Variants in LRWD1 observed in about 807,000 individuals in gnomAD.
LRWD1 encodes the protein leucine-rich repeat and WD repeat-containing protein 1.
LRWD1 carries 76 observed loss-of-function variants against 75.6 expected under a neutral mutation model. That is an observed-to-expected ratio of 1.01 (90% CI 0.84 to 1.22). The LOEUF is 1.22. Among genes scored for constraint, LRWD1 ranks in the 50% most tolerant of loss-of-function variants. The probability of loss-of-function intolerance (pLI) is 0.00; values close to 1 mark genes in which losing one functional copy is unlikely to be tolerated. For missense variants in LRWD1, 917 were observed against 862.0 expected (o/e 1.06, Z -0.80); for synonymous variants, 487 against 377.0 (o/e 1.29, Z -3.38).
chr7:102,470,222 G>C (rs181048703), intron 11 of LRWD1: 291 of 245,634 alleles, frequency 1.2e-3, no homozygotes, highest in African/African-American at 5.7e-3. Flanking sequence ...CATCTGTAAA[G>C]AGGGGCCGAT....
Position 102,472,966 on chromosome 7 carries a change from AAC to A in LRWD1, c.1865_1866del (p.Thr622SerfsTer?), listed in dbSNP as rs1482129600. On this transcript the variant is annotated frameshift_variant, in exon 15 of 15. Transcript: ENST00000292616. LOFTEE classifies it high-confidence loss of function. The part of the protein sequence containing the change: ...LGQVVTKTMV[N>X]TVVANASFTY... Reference sequence around the variant, plus strand: ...CCAGGTGGTGACCAAGACCATGGTGAACACAGTGGTGGCCAATGCCTCCTTCA... The same window carrying A: ...CCAGGTGGTGACCAAGACCATGGTGAACAGTGGTGGCCAATGCCTCCTTCA... The A allele has an allele frequency of 1.9e-6, 3 of 1,613,884 alleles. No homozygotes were observed. Among genetic ancestry groups the A allele is most frequent in the Non-Finnish European group, 2.5e-6 (3 of 1,179,986 alleles).
rs200628597 is a variant in LRWD1, at chr7:102,466,274, A to T, written c.432+4A>T. 2.0e-4 allele frequency: 322 copies of T among 1,605,264 alleles called. No individual in the cohort carries two copies. Among genetic ancestry groups the T allele is most frequent in the Non-Finnish European group, 2.5e-4 (298 of 1,172,288 alleles). Reference sequence around the variant, plus strand: ...GAATCGGGAGCTGACCAGCAGGGTAAGGGGATGAGAGGATTATTGTGTGCT... The same window carrying T: ...GAATCGGGAGCTGACCAGCAGGGTATGGGGATGAGAGGATTATTGTGTGCT... On this transcript the variant is annotated splice_donor_region_variant and intron_variant, in intron 3 of 14. Coordinates refer to ENST00000292616, the MANE Select transcript of LRWD1 (RefSeq NM_152892.3).
Position 102,466,066 on chromosome 7 carries a change from C to T in LRWD1, c.315+15C>T. ...CCTTCCTGACGGTAAGTGGGAGCCT[C>T]CCACCAGCTTCATACCTGGGGCCAG... On this transcript the variant is annotated intron_variant, in intron 2 of 14. Coordinates refer to ENST00000292616, the MANE Select transcript of LRWD1 (RefSeq NM_152892.3). The T allele has an allele frequency of 2.5e-6, 4 of 1,613,864 alleles. No individual in the cohort carries two copies. Among genetic ancestry groups the T allele is most frequent in the Non-Finnish European group, 3.4e-6 (4 of 1,179,786 alleles).
intron 3 of LRWD1, 99 bp from the exon 4 acceptor site, chr7:102,467,240 G>C: frequency 2.5e-6 from 3 of 1,201,590 alleles, no homozygotes; most frequent in Non-Finnish European, 1.2e-6. Context: ...ATTCCAGGAG[G>C]CTTCCAGCAG....
chr7:102,468,778 T>C, intron 8 of LRWD1, 77 bp from the exon 9 acceptor site: 1 of 1,546,444 alleles, frequency 6.5e-7, no homozygotes, highest in Non-Finnish European at 8.8e-7. Flanking sequence ...TGGGGCTCCC[T>C]CCCCCAGGCC....
At chr7:102,465,185 C>T (rs1287111506) in intron 1 of LRWD1, 25 bp downstream of exon 1, 1 of 1,459,198 alleles carries the variant, frequency 6.9e-7, no homozygotes, top group South Asian at 1.4e-5. Context: ...GCGGGTGAGG[C>T]TGTGTCCTCG....
intron 3 of LRWD1, 69 bp downstream of exon 3, chr7:102,466,339 C>A: frequency 7.7e-7 from 1 of 1,305,288 alleles, no homozygotes; most frequent in Non-Finnish European, 1.1e-6. Flanking sequence ...TAGAATTGGA[C>A]ATCAGGAGGA....
At chr7:102,465,226 C>T in intron 1 of LRWD1, 66 bp downstream of exon 1, 2 of 1,326,512 alleles carry the variant, frequency 1.5e-6, no homozygotes, top group East Asian at 3.1e-5. Flanking sequence ...AGAGCGGGGA[C>T]CCTCCCCAAC....
intron 3 of LRWD1, 39 bp downstream of exon 3, chr7:102,466,309 T>G (rs771957229): frequency 1.3e-6 from 2 of 1,495,492 alleles, no homozygotes. Context: ...TTAGGAGCTG[T>G]GGGGGCATTG....
Position 102,472,771 on chromosome 7 carries a change from C to G in LRWD1, c.1770C>G (p.Pro590=). 6.2e-7 allele frequency: 1 copy of G among 1,613,444 alleles called. No homozygotes were observed. Among genetic ancestry groups the G allele is most frequent in the Non-Finnish European group, 8.5e-7 (1 of 1,179,934 alleles). ...YDVSNILKQP[P]LLPAALQAPT... ...TCAGCAACATCCTGAAGCAGCCACC[C>G]CTGCTGCCGGCAGCCCTGCAGGCCC... Residue 590 remains proline (P), a synonymous_variant, in exon 14 of 15, where the codon CCC becomes CCG. Coordinates refer to ENST00000292616, the MANE Select transcript of LRWD1 (RefSeq NM_152892.3).
rs1798245093 is a variant in LRWD1 at position 102,472,705 on chromosome 7, GCT to G, written c.1707_1708del (p.Cys570TrpfsTer3). ...LSACPDKGIV[L>X]CGDEEGNVWL... The stretch of plus-strand genomic sequence containing the variant: ...CTGTCCCGGCAGATAAGGGGATTGT[GCT>G]CTGTGGGGATGAGGAGGGCAACGTG... On this transcript the variant is annotated frameshift_variant, in exon 14 of 15. Coordinates refer to ENST00000292616, the MANE Select transcript of LRWD1 (RefSeq NM_152892.3). LOFTEE classifies it high-confidence loss of function. The G allele has an allele frequency of 1.2e-6, 2 of 1,613,544 alleles. No individual in the cohort carries two copies. Among genetic ancestry groups the G allele is most frequent in the East Asian group, 4.5e-5 (2 of 44,880 alleles).
At position 102,468,571 on chromosome 7, in the gene LRWD1, G is replaced by C. The variant is rs1226641572; in HGVS notation, c.937G>C (p.Val313Leu). The C allele has an allele frequency of 6.3e-7, 1 of 1,574,802 alleles. No homozygotes were observed. Reference protein sequence around the residue: ...AWEEGATSQTVATCGGEAVCV... With the variant: ...AWEEGATSQTLATCGGEAVCV... ...GCACTCAGGGGCCACATCCCAGACC[G>C]TGGCCACGTGCGGCGGGGAGGCTGT... Residue 313 changes from valine (V) to leucine (L), a missense_variant, in exon 8 of 15, where the codon GTG becomes CTG. Physicochemically the swap from Val to Leu is conservative, Grantham distance 32. Coordinates refer to ENST00000292616, the MANE Select transcript of LRWD1 (RefSeq NM_152892.3).
In LRWD1 at chr7:102,473,112, G is replaced by T; in HGVS notation, c.*63G>T. On this transcript the variant is annotated 3_prime_UTR_variant, in exon 15 of 15. Coordinates refer to ENST00000292616, the MANE Select transcript of LRWD1 (RefSeq NM_152892.3). The stretch of plus-strand genomic sequence containing the variant: ...TAACTTATTCAGCTTTGGGCCGATG[G>T]GGGTGGGGGGGGGTCTTTCAGTGAA... 6 of 1,407,570 alleles carry T rather than the reference G, an allele frequency of 4.3e-6. No homozygotes were observed. The highest frequency in any genetic ancestry group is 3.8e-6 in the Non-Finnish European group (4 of 1,047,536). 87.2% of individuals were successfully genotyped at this position (1,407,570 alleles called of 1,614,324 possible). A position where few individuals can be genotyped will look rare whatever the true frequency, so the allele number is the denominator to read the frequency against.
intron 11 of LRWD1, chr7:102,472,004 G>A (rs1423507794): frequency 3.1e-5 from 17 of 554,190 alleles, no homozygotes; most frequent in Non-Finnish European, 2.6e-5. Context: ...GTGCCTCTGG[G>A]TCACTACTGT....
chr7:102,466,723 C>G (rs1225082064), intron 3 of LRWD1, among the ~76,000 whole-genome samples: 3 of 138,026 alleles, frequency 2.2e-5, no homozygotes, highest in Non-Finnish European at 3.1e-5. Context: ...CGGCCTGACT[C>G]TTCTAAGTAG....
At position 102,467,171 on chromosome 7, in the gene LRWD1, G is replaced by GGGGTGT. The variant is rs1245223810; in HGVS notation, c.433-167_433-166insGGTGTG. Among the ~76,000 whole-genome samples, 17 of 99,148 alleles carry GGGGTGT rather than the reference G, an allele frequency of 1.7e-4. 1 individual carries two copies. The highest frequency in any genetic ancestry group is 5.3e-4 in the African/African-American group (12 of 22,812). The allele number at this position is 99,148 out of a possible 152,430, so 65.0% of individuals were successfully genotyped here. ...TGGGTTGTTGCTGGGGTGTGTGTGG[G>GGGGTGT]GTGTGTGTGTGTGTGTGTGTGTGTG... On this transcript the variant is annotated intron_variant, in intron 3 of 14. Coordinates refer to ENST00000292616, the MANE Select transcript of LRWD1 (RefSeq NM_152892.3).
At chr7:102,467,108 T>TG (rs1563653968) in intron 3 of LRWD1, among the ~76,000 whole-genome samples, 28 of 106,264 alleles carry the variant, frequency 2.6e-4, no homozygotes, top group African/African-American at 8.2e-4. Context: ...GGCACCTGGG[T>TG]TGTTGCTGGG....
Position 102,469,971 on chromosome 7 carries a change from C to T in LRWD1, c.1442+89C>T, listed in dbSNP as rs1394709943. ...TGGGCTCACAGCAGCCTGGGCACAC[C>T]CGGGTAACCATAAGGGTTGTTTTTA... is the stretch of plus-strand genomic sequence containing the variant. On this transcript the variant is annotated intron_variant, in intron 11 of 14. Transcript: ENST00000292616. The T allele has an allele frequency of 4.3e-6, 6 of 1,404,836 alleles. No individual in the cohort carries two copies. The East Asian group carries it at 1.0e-4, about 24-fold the overall frequency. The allele number at this position is 1,404,836 out of a possible 1,614,324, so 87.0% of individuals were successfully genotyped here.
At chr7:102,467,683 C>A (rs1033695227) in intron 4 of LRWD1, 36 bp from the exon 5 acceptor site, 11 of 1,544,238 alleles carry the variant, frequency 7.1e-6, no homozygotes, top group Non-Finnish European at 9.6e-6. Flanking sequence ...GCACCTGGGA[C>A]TCTGCCCAGC....
Sources: allele counts gnomAD v4.1 joint callset (sites outside exome capture counted in the v4.1 genomes callset), GRCh38; gene constraint gnomAD v4.1.1; transcripts MANE v1.5; gene names NCBI Gene and HGNC (gene_info 2026-07-23, HGNC 2026-07-21).